Variants in RBMS1 observed in about 807,000 individuals in gnomAD.
RBMS1 encodes the protein RNA-binding motif, single-stranded-interacting protein 1.
Under a neutral mutation model 62.3 loss-of-function variants are expected in RBMS1, and 17 were observed. The observed-to-expected ratio is 0.27, with a 90% CI of 0.19 to 0.41. The LOEUF (loss-of-function observed/expected upper bound fraction) is 0.41. Among genes scored for constraint, RBMS1 ranks in the 10% least tolerant of loss-of-function variants. The probability of loss-of-function intolerance (pLI) is 1.00; values close to 1 mark genes in which losing one functional copy is unlikely to be tolerated. For missense variants in RBMS1, 334 were observed against 504.5 expected (o/e 0.66, Z 3.24); for synonymous variants, 172 against 170.0 (o/e 1.01, Z -0.09).
chr2:160,362,996 G>C (rs1384886971), intron 2 of RBMS1, among the ~76,000 whole-genome samples: 1 of 152,214 alleles, frequency 6.6e-6, no homozygotes, highest in Non-Finnish European at 1.5e-5. Flanking sequence ...TATTCTAGCA[G>C]AATTTCAAGG....
At chr2:160,347,453 A>C (rs1215458685) in intron 2 of RBMS1, among the ~76,000 whole-genome samples, 2 of 152,176 alleles carry the variant, frequency 1.3e-5, no homozygotes, top group African/African-American at 4.8e-5. Context: ...CATCAGTGTG[A>C]TATCCAGTGA....
chr2:160,335,843 A>C, intron 2 of RBMS1, among the ~76,000 whole-genome samples: 1 of 152,070 alleles, frequency 6.6e-6, no homozygotes, highest in Non-Finnish European at 1.5e-5. Flanking sequence ...GTGCATTTTT[A>C]ATTATTTGTT....
At chr2:160,302,389 C>T (rs1450302855) in intron 5 of RBMS1, 1 of 151,242 alleles carries the variant, frequency 6.6e-6, no homozygotes, top group Non-Finnish European at 1.5e-5. Context: ...GAGAAAGGGT[C>T]TCACTATGTT....
Position 160,395,786 on chromosome 2 carries a change from G to A in RBMS1, c.76-28395C>T, listed in dbSNP as rs72974986. Among the ~76,000 whole-genome samples the A allele has an allele frequency of 1.5e-3, 221 of 152,246 alleles. 1 individual carries two copies. Among genetic ancestry groups the A allele is most frequent in the Middle Eastern group, 3.4e-3 (1 of 294 alleles). On this transcript the variant is annotated intron_variant, in intron 1 of 13. Coordinates refer to ENST00000348849, the MANE Select transcript of RBMS1 (RefSeq NM_016836.4). ...CTCTTTTGACCCTTAACCCTGAGAA[G>A]CAAGGACAAATATAATAATCCTCAC...
intron 10 of RBMS1, among the ~76,000 whole-genome samples, chr2:160,280,714 T>C (rs183139413): frequency 2.6e-5 from 4 of 152,316 alleles, no homozygotes; most frequent in Admixed American, 6.5e-5. Context: ...TTGTTCTCCA[T>C]ATGTATTTTT....
rs1196638493 is a variant in RBMS1, at chr2:160,407,672, G to T, written c.76-40281C>A. On this transcript the variant is annotated intron_variant, in intron 1 of 13. Coordinates refer to ENST00000348849, the MANE Select transcript of RBMS1 (RefSeq NM_016836.4). ...GAACTCCCTCTCGCCGCGCGGCGGCGGCCGGCGGGGGCTGCAGCTCCGCGC... is the reference window on the plus strand; with the variant it reads ...GAACTCCCTCTCGCCGCGCGGCGGCTGCCGGCGGGGGCTGCAGCTCCGCGC... 5 of 981,874 alleles carry T rather than the reference G, an allele frequency of 5.1e-6. No homozygotes were observed. The Admixed American group carries it at 2.5e-4, about 49-fold the overall frequency. 60.8% of individuals were successfully genotyped at this position (981,874 alleles called of 1,614,324 possible). A position where few individuals can be genotyped will look rare whatever the true frequency, so the allele number is the denominator to read the frequency against.
chr2:160,358,634 T>C (rs1460841880), intron 2 of RBMS1, among the ~76,000 whole-genome samples: 1 of 152,134 alleles, frequency 6.6e-6, no homozygotes, highest in Non-Finnish European at 1.5e-5. Flanking sequence ...ACAAAATTTG[T>C]AAATGGGTGC....
intron 1 of RBMS1, among the ~76,000 whole-genome samples, chr2:160,397,685 C>T (rs59520573): frequency 0.69 from 105,037 of 151,876 alleles, 36,863 homozygotes; most frequent in East Asian, 0.88. Context: ...CCTCCTTTCC[C>T]GCCCCACTAC....
At chr2:160,434,621 G>A (rs943471469) in intron 1 of RBMS1, among the ~76,000 whole-genome samples, 1 of 152,112 alleles carries the variant, frequency 6.6e-6, no homozygotes, top group Non-Finnish European at 1.5e-5. Context: ...TGCAGCTAAT[G>A]GGCACTTGAA....
At chr2:160,454,544 T>C (rs933913698) in intron 1 of RBMS1, among the ~76,000 whole-genome samples, 1 of 152,066 alleles carries the variant, frequency 6.6e-6, no homozygotes, top group Non-Finnish European at 1.5e-5. Flanking sequence ...ATTAACCATG[T>C]AAAGAATGTG....
chr2:160,377,854 G>T (rs1694080845), intron 1 of RBMS1, among the ~76,000 whole-genome samples: 1 of 152,096 alleles, frequency 6.6e-6, no homozygotes, highest in African/African-American at 2.4e-5. Context: ...CATATCCAAG[G>T]CCATACAGCT....
At chr2:160,368,135 T>C (rs1223760992) in intron 1 of RBMS1, among the ~76,000 whole-genome samples, 1 of 152,126 alleles carries the variant, frequency 6.6e-6, no homozygotes, top group Non-Finnish European at 1.5e-5. Context: ...CAGATAATTC[T>C]CTGTGCACCG....
At chr2:160,490,494 T>G (rs1047315745) in intron 1 of RBMS1, among the ~76,000 whole-genome samples, 60 of 152,130 alleles carry the variant, frequency 3.9e-4, no homozygotes, top group African/African-American at 1.4e-3. Flanking sequence ...TGATTTTTTT[T>G]CTTTCTGTCA....
chr2:160,393,466 A>T (rs1211851259), intron 1 of RBMS1, among the ~76,000 whole-genome samples: 1 of 152,182 alleles, frequency 6.6e-6, no homozygotes, highest in Non-Finnish European at 1.5e-5. Flanking sequence ...ATGATAATCC[A>T]AGCTGAATTT....
rs1269088936 is a variant in RBMS1, at chr2:160,439,163, CCCGGACGGGGCGGCTGG to C, written c.75+54109_75+54125del. On this transcript the variant is annotated intron_variant, in intron 1 of 13. Coordinates refer to ENST00000348849, the MANE Select transcript of RBMS1 (RefSeq NM_016836.4). ...GGGGGGCTGATCCCCCCACCTCCCT[CCCGGACGGGGCGGCTGG>C]CCGGACGGGGGGCTGACCCCCCCAC... Among the ~76,000 whole-genome samples the C allele has an allele frequency of 6.6e-4, 100 of 150,654 alleles. 1 individual carries two copies. Among genetic ancestry groups the C allele is most frequent in the African/African-American group, 2.1e-3 (85 of 41,070 alleles).
chr2:160,311,195 CAA>C (rs1343318731), intron 4 of RBMS1, among the ~76,000 whole-genome samples: 1 of 42,994 alleles, frequency 2.3e-5, no homozygotes. Flanking sequence ...ACCCTGTCTC[CAA>C]AAAAAAAAAA....
At position 160,484,875 on chromosome 2, in the gene RBMS1, A is replaced by G. The variant is rs555441558; in HGVS notation, c.75+8414T>C. Among the ~76,000 whole-genome samples, 9 of 151,652 alleles carry G rather than the reference A, an allele frequency of 5.9e-5. No individual in the cohort carries two copies. The South Asian group carries it at 1.7e-3, about 28-fold the overall frequency. On this transcript the variant is annotated intron_variant, in intron 1 of 13. Coordinates refer to ENST00000348849, the MANE Select transcript of RBMS1 (RefSeq NM_016836.4). ...GACAGAGCAAGACTCCGTCTCAAAA[A>G]AAAAAAAAAATTTACGAAGCATCAA...
chr2:160,324,907 T>TATATATACACAC (rs1321182985), intron 2 of RBMS1, among the ~76,000 whole-genome samples: 14 of 106,778 alleles, frequency 1.3e-4, no homozygotes, highest in African/African-American at 5.4e-4. Flanking sequence ...TATATATATA[T>TATATATACACAC]ACACACACAC....
At chr2:160,401,378 T>C (rs750832834) in intron 1 of RBMS1, among the ~76,000 whole-genome samples, 2 of 152,230 alleles carry the variant, frequency 1.3e-5, no homozygotes, top group East Asian at 1.9e-4. Context: ...AACAGTTATA[T>C]TGATTTTTTA....
Sources: allele counts gnomAD v4.1 joint callset (sites outside exome capture counted in the v4.1 genomes callset), GRCh38; gene constraint gnomAD v4.1.1; transcripts MANE v1.5; gene names NCBI Gene and HGNC (gene_info 2026-07-23, HGNC 2026-07-21).